Variants in PIP5K1B observed in about 807,000 individuals in gnomAD.
PIP5K1B encodes phosphatidylinositol-4-phosphate 5-kinase type 1 beta.
In PIP5K1B, 42 loss-of-function variants were observed where a neutral mutation model predicts 67.0. That is an observed-to-expected ratio of 0.63 (90% CI 0.49 to 0.81). The LOEUF is 0.81. Among genes scored for constraint, PIP5K1B ranks in the 30% least tolerant of loss-of-function variants. The probability of loss-of-function intolerance (pLI) is 0.00; values close to 1 mark genes in which losing one functional copy is unlikely to be tolerated. For synonymous variants in PIP5K1B, 214 were observed against 231.4 expected (o/e 0.92, Z 0.68); for missense variants, 459 against 646.3 (o/e 0.71, Z 3.14).
rs545242190 is a variant in PIP5K1B, at chr9:68,782,294, A to G, written c.-85-36167A>G. On this transcript the variant is annotated intron_variant, in intron 2 of 15. Coordinates refer to ENST00000265382, the MANE Select transcript of PIP5K1B (RefSeq NM_003558.4). ...AAGGGGTGATGATTTGCAAGAGAAAATTAGTGGAGAGTCACATAGGTAAAT... is the reference window on the plus strand; with the variant it reads ...AAGGGGTGATGATTTGCAAGAGAAAGTTAGTGGAGAGTCACATAGGTAAAT... 6 of 167,230 alleles carry G rather than the reference A, an allele frequency of 3.6e-5. No homozygotes were observed. The East Asian group carries it at 1.2e-3, about 32-fold the overall frequency. The allele number at this position is 167,230 out of a possible 1,614,324, so 10.4% of individuals were successfully genotyped here.
intron 12 of PIP5K1B, among the ~76,000 whole-genome samples, chr9:68,930,979 G>T (rs1010838274): frequency 3.9e-5 from 6 of 151,942 alleles, no homozygotes; most frequent in African/African-American, 1.5e-4. Context: ...ACTTTAAGAT[G>T]TTCCATCAAC....
chr9:68,888,200 G>A (rs971980335), intron 6 of PIP5K1B, among the ~76,000 whole-genome samples: 26 of 152,018 alleles, frequency 1.7e-4, no homozygotes, highest in African/African-American at 5.3e-4. Context: ...GGATGGTCTC[G>A]ATCTCCTGAC....
At chr9:68,823,961 G>A in intron 4 of PIP5K1B, 1 of 385,988 alleles carries the variant, frequency 2.6e-6, no homozygotes, top group Non-Finnish European at 5.1e-6. Flanking sequence ...TACAAACTGG[G>A]AGGTTGTCAT....
At chr9:68,849,572 C>T (rs1564181920) in intron 4 of PIP5K1B, among the ~76,000 whole-genome samples, 1 of 152,132 alleles carries the variant, frequency 6.6e-6, no homozygotes, top group Non-Finnish European at 1.5e-5. Flanking sequence ...CACCACATTG[C>T]CCAGGCTGGT....
intron 6 of PIP5K1B, among the ~76,000 whole-genome samples, chr9:68,886,954 CTG>C (rs1564206822): frequency 1.3e-5 from 2 of 152,370 alleles, no homozygotes; most frequent in East Asian, 1.9e-4. Context: ...CTGGCCTCTG[CTG>C]TGCCTTGAGC....
intron 1 of PIP5K1B, among the ~76,000 whole-genome samples, chr9:68,718,275 A>G (rs1827723953): frequency 6.6e-6 from 1 of 152,232 alleles, no homozygotes; most frequent in East Asian, 1.9e-4. Flanking sequence ...CATAAAACAT[A>G]TGTAAGCTTC....
At chr9:68,989,299 C>T (rs1830254422) in intron 14 of PIP5K1B, among the ~76,000 whole-genome samples, 1 of 152,060 alleles carries the variant, frequency 6.6e-6, no homozygotes, top group Non-Finnish European at 1.5e-5. Flanking sequence ...TCCTGTTCAG[C>T]TTGGAGGCTT....
chr9:68,998,978 C>T (rs1334993344), intron 15 of PIP5K1B, among the ~76,000 whole-genome samples: 4 of 152,174 alleles, frequency 2.6e-5, no homozygotes, highest in African/African-American at 4.8e-5. Context: ...TCTCACAGTT[C>T]TAGAGGCCGG....
intron 2 of PIP5K1B, among the ~76,000 whole-genome samples, chr9:68,811,412 T>C (rs11143801): frequency 0.33 from 50,293 of 151,880 alleles, 8,542 homozygotes; most frequent in Non-Finnish European, 0.38. Context: ...ATGAGGTTGG[T>C]CTCTGGGAGC....
chr9:68,718,106 C>T (rs756989939), intron 1 of PIP5K1B, among the ~76,000 whole-genome samples: 3 of 152,202 alleles, frequency 2.0e-5, no homozygotes, highest in Non-Finnish European at 2.9e-5. Context: ...ATATAGTGCT[C>T]TGTCCACTCC....
At chr9:68,963,518 C>A (rs201778538) in intron 14 of PIP5K1B, among the ~76,000 whole-genome samples, 51 of 136,698 alleles carry the variant, frequency 3.7e-4, no homozygotes, top group South Asian at 9.9e-4. Context: ...AAAAAAAAAA[C>A]AAAACCTAAG....
At chr9:68,761,727 C>T (rs1375728999) in intron 2 of PIP5K1B, among the ~76,000 whole-genome samples, 3 of 152,132 alleles carry the variant, frequency 2.0e-5, no homozygotes, top group East Asian at 3.9e-4. Flanking sequence ...TGTACACTGA[C>T]TCTTGTGCCT....
intron 9 of PIP5K1B, among the ~76,000 whole-genome samples, chr9:68,918,852 GGCTATTAAAAACCAC>G (rs1826230038): frequency 6.6e-6 from 1 of 152,012 alleles, no homozygotes; most frequent in South Asian, 2.1e-4. Flanking sequence ...AATACAATAA[GGCTATTAAAAACCAC>G]GCTAGCATTG....
chr9:68,979,097 T>C (rs1474204106), intron 14 of PIP5K1B, among the ~76,000 whole-genome samples: 1 of 152,248 alleles, frequency 6.6e-6, no homozygotes, highest in Admixed American at 6.5e-5. Flanking sequence ...GTATCTCTTT[T>C]TCTCTTTTAT....
At chr9:68,759,563 A>C (rs918775591) in intron 2 of PIP5K1B, among the ~76,000 whole-genome samples, 4 of 152,144 alleles carry the variant, frequency 2.6e-5, no homozygotes, top group African/African-American at 9.6e-5. Flanking sequence ...GAAAACAAGT[A>C]ATAAAATGGC....
chr9:68,854,483 C>T (rs1822668985), intron 4 of PIP5K1B, among the ~76,000 whole-genome samples: 1 of 152,148 alleles, frequency 6.6e-6, no homozygotes, highest in Non-Finnish European at 1.5e-5. Context: ...CCGTATATTT[C>T]ATGCTGGGGC....
chr9:68,761,443 C>T (rs375913302), intron 2 of PIP5K1B, among the ~76,000 whole-genome samples: 1 of 152,146 alleles, frequency 6.6e-6, no homozygotes, highest in East Asian at 1.9e-4. Flanking sequence ...ATATTCATTT[C>T]TTATTGCTGC....
chr9:68,912,559 A>T (rs1389677671), intron 8 of PIP5K1B, among the ~76,000 whole-genome samples: 1 of 152,202 alleles, frequency 6.6e-6, no homozygotes, highest in African/African-American at 2.4e-5. Flanking sequence ...CTTGGCACGG[A>T]TTAACTCAGT....
chr9:68,923,425 C>G (rs1482705920), intron 12 of PIP5K1B, 39 bp downstream of exon 12: 1 of 1,036,712 alleles, frequency 9.6e-7, no homozygotes, highest in Non-Finnish European at 1.5e-6. Context: ...CTTTTAGCAG[C>G]TAATTTCATT....
Sources: gnomAD v4.1 joint callset for allele counts (sites outside exome capture counted in the v4.1 genomes callset) on GRCh38, gnomAD v4.1.1 for gene constraint, MANE v1.5 for transcripts, NCBI Gene and HGNC (gene_info 2026-07-23, HGNC 2026-07-21) for gene names.